Variants in CSMD3 observed in about 807,000 individuals in gnomAD.
CSMD3 encodes CUB and sushi domain-containing protein 3.
Under a neutral mutation model 435.2 loss-of-function variants are expected in CSMD3, and 177 were observed. The ratio of observed to expected loss-of-function variants is 0.41; its 90% CI spans 0.36 to 0.46. CSMD3 has a LOEUF of 0.46. Among genes scored for constraint, CSMD3 ranks in the 20% least tolerant of loss-of-function variants. CSMD3 has a pLI of 0.34. For synonymous variants in CSMD3, 1,656 were observed against 1,520.5 expected (o/e 1.09, Z -2.07); for missense variants, 4,265 against 4,504.6 (o/e 0.95, Z 1.52).
intron 32 of CSMD3, among the ~76,000 whole-genome samples, chr8:112,462,073 A>T (rs547639183): frequency 8.5e-5 from 13 of 152,338 alleles, no homozygotes; most frequent in African/African-American, 3.1e-4. Flanking sequence ...ATGGCCAATT[A>T]GAGGCAAACG....
chr8:112,621,363 T>C (rs1834059871), intron 22 of CSMD3, among the ~76,000 whole-genome samples: 2 of 152,166 alleles, frequency 1.3e-5, no homozygotes, highest in Admixed American at 1.3e-4. Context: ...ACAACTTTTA[T>C]AATAAAAAGT....
chr8:112,381,083 C>G (rs1169792737), intron 37 of CSMD3, among the ~76,000 whole-genome samples: 1 of 152,054 alleles, frequency 6.6e-6, no homozygotes. Context: ...TTGAACTTTG[C>G]AAAGTAACAA....
At position 113,327,644 on chromosome 8, in the gene CSMD3, AG is replaced by A. The variant is rs536540936; in HGVS notation, c.179-12852del. On this transcript the variant is annotated intron_variant, in intron 1 of 70. Transcript: ENST00000297405. ...TCAACGCATTCCTTTCCCCTTGCCC[AG>A]AAGACTGTCGCTATTTAACCTATCT... 5.7e-4 allele frequency among the ~76,000 whole-genome samples: 86 copies of A among 152,188 alleles called. 1 individual carries two copies. The highest frequency in any genetic ancestry group is 3.8e-4 in the Non-Finnish European group (26 of 68,038).
At chr8:113,233,369 G>A (rs890237762) in intron 3 of CSMD3, among the ~76,000 whole-genome samples, 2 of 150,946 alleles carry the variant, frequency 1.3e-5, no homozygotes, top group African/African-American at 4.8e-5. Flanking sequence ...TAATAAAAAA[G>A]TGTATTTTAA....
chr8:112,666,259 GA>G lies in CSMD3; in HGVS notation c.2816+17del, dbSNP rs1563830462. On this transcript the variant is annotated intron_variant, in intron 17 of 70. Transcript: ENST00000297405. ...TAGATAATATTTTCTTTAAAAGTAG[GA>G]AAAATATTTGTGAGACCTTTCAAAT... 6.3e-7 allele frequency: 1 copy of G among 1,587,294 alleles called. No homozygotes were observed.
chr8:112,320,703 T>A (rs937683632), intron 45 of CSMD3, among the ~76,000 whole-genome samples: 1 of 149,386 alleles, frequency 6.7e-6, no homozygotes. Context: ...GTTCAAGTGT[T>A]CTCATTGTTC....
intron 42 of CSMD3, 61 bp downstream of exon 42, chr8:112,341,415 TA>T (rs1825099425): frequency 6.3e-6 from 7 of 1,109,172 alleles, no homozygotes. Context: ...TAGACTCAGT[TA>T]AATATTTCTA....
intron 22 of CSMD3, 48 bp from the exon 23 acceptor site, chr8:112,587,283 T>A (rs758571522): frequency 2.2e-6 from 3 of 1,377,606 alleles, no homozygotes; most frequent in Admixed American, 1.7e-5. Flanking sequence ...GATAGCAGTA[T>A]CATTTTCAAG....
chr8:112,667,479 C>A (rs1209303800), intron 16 of CSMD3, among the ~76,000 whole-genome samples: 7 of 152,118 alleles, frequency 4.6e-5, no homozygotes, highest in Admixed American at 2.0e-4. Flanking sequence ...ATAGAAATAA[C>A]CCCTGAACTG....
chr8:112,342,152 A>T (rs1192203582), intron 41 of CSMD3, among the ~76,000 whole-genome samples: 1 of 152,110 alleles, frequency 6.6e-6, no homozygotes, highest in Admixed American at 6.5e-5. Flanking sequence ...ACAGGAGAGA[A>T]ATTAACTTCT....
At chr8:112,284,208 G>C (rs908689436) in intron 58 of CSMD3, among the ~76,000 whole-genome samples, 1 of 151,678 alleles carries the variant, frequency 6.6e-6, no homozygotes, top group African/African-American at 2.4e-5. Context: ...TGTCAAAAAT[G>C]TTACATTCTT....
chr8:112,971,923 A>C (rs1206551740), intron 7 of CSMD3, among the ~76,000 whole-genome samples: 2 of 152,108 alleles, frequency 1.3e-5, no homozygotes, highest in East Asian at 3.9e-4. Context: ...ATTAATTGGA[A>C]TGGTACCCTA....
At chr8:113,155,943 A>G (rs12681814) in intron 4 of CSMD3, among the ~76,000 whole-genome samples, 19,617 of 152,004 alleles carry the variant, frequency 0.13, 2,220 homozygotes, top group African/African-American at 0.3. Context: ...GTGGTTTTCT[A>G]TAATGATTCT....
intron 1 of CSMD3, among the ~76,000 whole-genome samples, chr8:113,372,328 T>A (rs1372255786): frequency 1.3e-5 from 2 of 152,194 alleles, no homozygotes; most frequent in African/African-American, 2.4e-5. Context: ...TTGGTAAACT[T>A]AGTTGGCCCC....
At chr8:112,245,067 C>T (rs901530705) in intron 64 of CSMD3, among the ~76,000 whole-genome samples, 3 of 151,948 alleles carry the variant, frequency 2.0e-5, no homozygotes, top group African/African-American at 7.2e-5. Context: ...AATAAAACCA[C>T]AGCTAATTAT....
At chr8:113,231,799 G>T (rs1464998652) in intron 3 of CSMD3, among the ~76,000 whole-genome samples, 3 of 151,438 alleles carry the variant, frequency 2.0e-5, no homozygotes, top group East Asian at 3.9e-4. Flanking sequence ...AAAAACAGGA[G>T]TGATATTAGA....
intron 27 of CSMD3, among the ~76,000 whole-genome samples, chr8:112,531,303 C>G (rs1164260603): frequency 1.3e-5 from 2 of 152,048 alleles, no homozygotes; most frequent in African/African-American, 4.8e-5. Context: ...GGAACAAACC[C>G]AAATCTGAGC....
intron 10 of CSMD3, among the ~76,000 whole-genome samples, chr8:112,869,831 A>T (rs939813763): frequency 6.6e-6 from 1 of 152,182 alleles, no homozygotes; most frequent in Non-Finnish European, 1.5e-5. Context: ...AAGTTGAACA[A>T]TGAGAACACA....
At chr8:112,731,437 G>A (rs1481912008) in intron 13 of CSMD3, among the ~76,000 whole-genome samples, 1 of 152,100 alleles carries the variant, frequency 6.6e-6, no homozygotes, top group Non-Finnish European at 1.5e-5. Flanking sequence ...CCATCAGTAT[G>A]GATTTTCATG....
Sources: allele counts gnomAD v4.1 joint callset (sites outside exome capture counted in the v4.1 genomes callset), GRCh38; gene constraint gnomAD v4.1.1; transcripts MANE v1.5; gene names NCBI Gene and HGNC (gene_info 2026-07-23, HGNC 2026-07-21).